CFAP54: variants seen among roughly 807,000 people sequenced by gnomAD.
CFAP54 encodes the protein cilia and flagella associated protein 54, also known as cilia- and flagella-associated protein 54.
In CFAP54, 290 loss-of-function variants were observed where a neutral mutation model predicts 370.4. The ratio of observed to expected loss-of-function variants is 0.78; its 90% CI spans 0.71 to 0.86. CFAP54 has a LOEUF of 0.86. Ranked by LOEUF, CFAP54 falls within the 40% of genes least tolerant of loss-of-function variation. CFAP54 has a pLI of 0.00. For synonymous variants in CFAP54, 1,206 were observed against 1,236.5 expected (o/e 0.98, Z 0.52); for missense variants, 3,399 against 3,528.7 (o/e 0.96, Z 0.93).
chr12:96,750,113 C>G (rs2136652079), intron 55 of CFAP54, among the ~76,000 whole-genome samples: 2 of 152,358 alleles, frequency 1.3e-5, no homozygotes, highest in South Asian at 4.1e-4. Flanking sequence ...CCAGAGCTGT[C>G]ACTCTTTGGA....
chr12:96,761,768 C>T (rs563133181), intron 58 of CFAP54, among the ~76,000 whole-genome samples: 9 of 152,200 alleles, frequency 5.9e-5, no homozygotes, highest in African/African-American at 2.2e-4. Context: ...CGTTGGATTG[C>T]TTTGGCACTT....
At chr12:96,603,157 G>A (rs1162447176) in intron 26 of CFAP54, among the ~76,000 whole-genome samples, 1 of 152,170 alleles carries the variant, frequency 6.6e-6, no homozygotes, top group Admixed American at 6.5e-5. Context: ...GCCTGGTGGT[G>A]ACAGAATCTC....
chr12:96,592,758 G>A (rs1166671395), intron 24 of CFAP54, 121 bp downstream of exon 24: 4 of 357,816 alleles, frequency 1.1e-5, no homozygotes, highest in African/African-American at 4.2e-5. Context: ...AAAGGACATT[G>A]TATGATTATG....
chr12:96,746,561 C>T (rs975229421), intron 55 of CFAP54, among the ~76,000 whole-genome samples: 1 of 152,234 alleles, frequency 6.6e-6, no homozygotes, highest in African/African-American at 2.4e-5. Flanking sequence ...TCCCAATTTT[C>T]CATCTCCCTC....
chr12:96,728,036 TG>T (rs1207656424), intron 50 of CFAP54, among the ~76,000 whole-genome samples: 2 of 152,088 alleles, frequency 1.3e-5, no homozygotes, highest in Non-Finnish European at 2.9e-5. Flanking sequence ...GAGTTTCTGC[TG>T]AGAGATCCAC....
intron 63 of CFAP54, among the ~76,000 whole-genome samples, chr12:96,800,901 T>G (rs1408862364): frequency 1.3e-5 from 2 of 152,222 alleles, no homozygotes; most frequent in African/African-American, 4.8e-5. Flanking sequence ...TGAAGCAATC[T>G]GACTCCAGAG....
rs10507074 is a variant in CFAP54, at chr12:96,626,895, T to C, written c.4059T>C (p.His1353=). 0.45 allele frequency: 642,377 copies of C among 1,429,110 alleles called. 148,487 individuals are homozygous for C. Among genetic ancestry groups the C allele is most frequent in the African/African-American group, 0.59 (41,961 of 70,550 alleles). The allele number at this position is 1,429,110 out of a possible 1,614,324, so 88.5% of individuals were successfully genotyped here. ...AATGCATGAATGAGGAAAAATTTCATCTTATGGTAGAGGTAACAACTCCTG... is the reference window on the plus strand; with the variant it reads ...AATGCATGAATGAGGAAAAATTTCACCTTATGGTAGAGGTAACAACTCCTG... ...MLKCMNEEKF[H]LMVEVTTPVH... The change falls in exon 30 of 68, where the codon CAT becomes CAC. Residue 1353 remains histidine (H), a synonymous_variant. Transcript: ENST00000524981.
At chr12:96,521,752 A>G in intron 6 of CFAP54, 105 bp from the exon 7 acceptor site, 1 of 806,454 alleles carries the variant, frequency 1.2e-6, no homozygotes. Context: ...CCTAGAGCTT[A>G]ATTCACAGAT....
chr12:96,731,082 C>T (rs1565957538), intron 50 of CFAP54, among the ~76,000 whole-genome samples: 1 of 152,172 alleles, frequency 6.6e-6, no homozygotes, highest in South Asian at 2.1e-4. Flanking sequence ...TTCACTGTGT[C>T]GTTCACACTG....
chr12:96,830,508 T>G (rs563801445), intron 66 of CFAP54, among the ~76,000 whole-genome samples: 7 of 152,194 alleles, frequency 4.6e-5, no homozygotes, highest in Non-Finnish European at 7.3e-5. Context: ...TTGCGTATCT[T>G]CTTTAGATAA....
intron 11 of CFAP54, among the ~76,000 whole-genome samples, chr12:96,535,265 G>A (rs1404463916): frequency 6.6e-6 from 1 of 152,002 alleles, no homozygotes; most frequent in Admixed American, 6.6e-5. Context: ...AGCCAGGCTG[G>A]TCTCAAACTC....
rs539017917 is a variant in CFAP54 at position 96,809,440 on chromosome 12, G to A, written c.8851-2296G>A. Among the ~76,000 whole-genome samples the A allele has an allele frequency of 4.6e-5, 7 of 152,104 alleles. No homozygotes were observed. The East Asian group carries it at 1.4e-3, about 29-fold the overall frequency. Reference sequence around the variant, plus strand: ...TCAATCTTTTCTTGATTATTTAGTTGTTTTGATCATATTTTTATTTTTAAG... The same window carrying A: ...TCAATCTTTTCTTGATTATTTAGTTATTTTGATCATATTTTTATTTTTAAG... On this transcript the variant is annotated intron_variant, in intron 63 of 67. Transcript: ENST00000524981.
rs563335438 is a variant in CFAP54 at position 96,667,977 on chromosome 12, CTT to C, written c.5563+4047_5563+4048del. 1.2e-4 allele frequency among the ~76,000 whole-genome samples: 18 copies of C among 152,330 alleles called. No homozygotes were observed. In the South Asian group the frequency reaches 1.7e-3, roughly 14 times the overall value. On this transcript the variant is annotated intron_variant, in intron 39 of 67. Transcript: ENST00000524981. The stretch of plus-strand genomic sequence containing the variant: ...GGCAGGGGCAAAATGCTGCCAGTCT[CTT>C]TGCATAGCAAGAGTGACCTTTACTC...
intron 4 of CFAP54, among the ~76,000 whole-genome samples, chr12:96,507,999 C>T (rs900160423): frequency 4.6e-5 from 7 of 152,108 alleles, no homozygotes; most frequent in African/African-American, 9.7e-5. Flanking sequence ...TTGGCAGGGA[C>T]GGAGAAGGAG....
intron 67 of CFAP54, among the ~76,000 whole-genome samples, chr12:96,870,263 GA>G (rs1229995042): frequency 0.01 from 1,312 of 129,744 alleles, 21 homozygotes; most frequent in African/African-American, 0.03. Flanking sequence ...CCATCTCAAA[GA>G]AAAAAAAAAA....
At chr12:96,842,426 A>G (rs1221872095) in intron 66 of CFAP54, among the ~76,000 whole-genome samples, 1 of 152,092 alleles carries the variant, frequency 6.6e-6, no homozygotes, top group Non-Finnish European at 1.5e-5. Context: ...TCCTTTAGTA[A>G]TTCCACCCCC....
At chr12:96,551,388 A>G (rs1292808069) in intron 15 of CFAP54, among the ~76,000 whole-genome samples, 2 of 152,024 alleles carry the variant, frequency 1.3e-5, no homozygotes, top group Non-Finnish European at 2.9e-5. Context: ...CTAATGATTT[A>G]TAACCTTGGG....
chr12:96,554,827 C>T (rs1017693022), intron 17 of CFAP54, 25 bp downstream of exon 17: 22 of 1,506,320 alleles, frequency 1.5e-5, no homozygotes, highest in Non-Finnish European at 2.0e-5. Flanking sequence ...AGCAAGTAAC[C>T]ATTCTGAATC....
At chr12:96,570,200 C>T (rs1955901537) in intron 19 of CFAP54, among the ~76,000 whole-genome samples, 1 of 152,060 alleles carries the variant, frequency 6.6e-6, no homozygotes, top group Non-Finnish European at 1.5e-5. Flanking sequence ...TCTCGAAATC[C>T]TGGGTTCAAG....
Sources: allele counts gnomAD v4.1 joint callset (sites outside exome capture counted in the v4.1 genomes callset), GRCh38; gene constraint gnomAD v4.1.1; transcripts MANE v1.5; gene names NCBI Gene and HGNC (gene_info 2026-07-23, HGNC 2026-07-21).